Variants in PDPN observed in about 807,000 individuals in gnomAD.
PDPN encodes the protein podoplanin.
In PDPN, 12 loss-of-function variants were observed where a neutral mutation model predicts 23.2. The ratio of observed to expected loss-of-function variants is 0.52; its 90% CI spans 0.33 to 0.84. PDPN has a LOEUF of 0.84. Among genes scored for constraint, PDPN ranks in the 40% least tolerant of loss-of-function variants. The pLI, the probability that PDPN is intolerant of heterozygous loss-of-function variation, is 0.02. For missense variants in PDPN, 199 were observed against 212.2 expected, an observed-to-expected ratio of 0.94 and a Z score of 0.39; for synonymous variants, 77 against 76.7, an observed-to-expected ratio of 1.00 and a Z score of -0.02.
intron 1 of PDPN, among the ~76,000 whole-genome samples, chr1:13,598,933 A>G (rs1640565659): frequency 6.6e-6 from 1 of 151,840 alleles, no homozygotes; most frequent in African/African-American, 2.4e-5. Flanking sequence ...GGGTGGGGGT[A>G]AGCATTCAGG....
intron 1 of PDPN, among the ~76,000 whole-genome samples, chr1:13,599,733 G>A (rs1640594835): frequency 6.6e-6 from 1 of 152,138 alleles, no homozygotes. Flanking sequence ...GTCCTTAAGA[G>A]TGGAGATCTT....
At chr1:13,611,601 G>C (rs1640937541) in intron 3 of PDPN, among the ~76,000 whole-genome samples, 1 of 152,222 alleles carries the variant, frequency 6.6e-6, no homozygotes. Flanking sequence ...TTACTGTTTA[G>C]TGGGTAGAGT....
chr1:13,601,538 G>A (rs1488297507), intron 1 of PDPN, among the ~76,000 whole-genome samples: 1 of 152,172 alleles, frequency 6.6e-6, no homozygotes, highest in East Asian at 1.9e-4. Context: ...TGTATTTTTA[G>A]TAGGGACAGC....
At chr1:13,602,413 C>T (rs781610944) in intron 1 of PDPN, among the ~76,000 whole-genome samples, 23 of 152,030 alleles carry the variant, frequency 1.5e-4, no homozygotes, top group Non-Finnish European at 3.2e-4. Context: ...TGCCATGTGA[C>T]CATTACAAAA....
At chr1:13,587,554 T>A (rs757398663) in intron 1 of PDPN, among the ~76,000 whole-genome samples, 9 of 152,174 alleles carry the variant, frequency 5.9e-5, no homozygotes, top group Non-Finnish European at 1.0e-4. Context: ...CTGAATCAGA[T>A]GCTGTAGGGC....
chr1:13,591,386 A>G (rs1486634612), intron 1 of PDPN, among the ~76,000 whole-genome samples: 1 of 152,184 alleles, frequency 6.6e-6, no homozygotes, highest in East Asian at 1.9e-4. Flanking sequence ...TAACCCATTT[A>G]AAGCAAACAA....
chr1:13,603,070 GGA>G (rs931922850), intron 1 of PDPN, among the ~76,000 whole-genome samples: 6 of 150,438 alleles, frequency 4.0e-5, no homozygotes, highest in African/African-American at 7.3e-5. Flanking sequence ...TAAATACAAA[GGA>G]GAGAGAGAGA....
At chr1:13,613,362 C>A (rs569304637) in intron 3 of PDPN, among the ~76,000 whole-genome samples, 1 of 152,284 alleles carries the variant, frequency 6.6e-6, no homozygotes, top group East Asian at 1.9e-4. Flanking sequence ...GCTACCTTAA[C>A]CTCTGATACT....
intron 3 of PDPN, among the ~76,000 whole-genome samples, chr1:13,611,090 G>A (rs553434410): frequency 2.4e-4 from 36 of 152,024 alleles, no homozygotes; most frequent in South Asian, 1.5e-3. Context: ...GAGTGGTGGC[G>A]GGCGCCTGTA....
chr1:13,596,591 C>T (rs909184017), intron 1 of PDPN, among the ~76,000 whole-genome samples: 4 of 152,134 alleles, frequency 2.6e-5, no homozygotes, highest in African/African-American at 9.7e-5. Context: ...TGGCTTTCTT[C>T]GTGTAAAGGA....
At chr1:13,600,183 G>A (rs530904424) in intron 1 of PDPN, among the ~76,000 whole-genome samples, 1 of 152,246 alleles carries the variant, frequency 6.6e-6, no homozygotes, top group Admixed American at 6.5e-5. Context: ...TGGCACCTGG[G>A]CAGAAGGGGA....
chr1:13,590,020 G>T (rs542997727), intron 1 of PDPN, among the ~76,000 whole-genome samples: 86 of 152,278 alleles, frequency 5.6e-4, no homozygotes, highest in African/African-American at 2.1e-3. Context: ...TAGAGATGGG[G>T]TTTCACCATG....
Position 13,584,302 on chromosome 1 carries a change from G to C in PDPN, c.67+202G>C, listed in dbSNP as rs1005193795. 6 of 1,515,240 alleles carry C rather than the reference G, an allele frequency of 4.0e-6. No individual in the cohort carries two copies. In the African/African-American group the frequency reaches 4.1e-5, roughly 10 times the overall value. The allele number at this position is 1,515,240 out of a possible 1,614,324, so 93.9% of individuals were successfully genotyped here. A position where few individuals can be genotyped will look rare whatever the true frequency, so the allele number is the denominator to read the frequency against. On this transcript the variant is annotated intron_variant, in intron 1 of 5. Transcript: ENST00000621990. Reference sequence around the variant, plus strand: ...CCAGGTCCCAAAGACGCAGCTGCGCGGGTGTGCCGGGAGGAGCCCCGGAAT... The same window carrying C: ...CCAGGTCCCAAAGACGCAGCTGCGCCGGTGTGCCGGGAGGAGCCCCGGAAT...
intron 3 of PDPN, among the ~76,000 whole-genome samples, chr1:13,610,796 T>G (rs374958597): frequency 6.6e-6 from 1 of 152,142 alleles, no homozygotes; most frequent in Non-Finnish European, 1.5e-5. Flanking sequence ...TCCAAGTGGA[T>G]AGAATGTGAC....
Position 13,583,907 on chromosome 1 carries a change from C to T in PDPN, c.-127C>T, listed in dbSNP as rs1569998573. 1 of 1,611,938 alleles carries T rather than the reference C, an allele frequency of 6.2e-7. No individual in the cohort carries two copies. The highest frequency in any genetic ancestry group is 8.5e-7 in the Non-Finnish European group (1 of 1,178,876). On this transcript the variant is annotated 5_prime_UTR_variant, in exon 1 of 6. Coordinates refer to ENST00000621990, the MANE Select transcript of PDPN (RefSeq NM_006474.5). Reference sequence around the variant, plus strand: ...CCTCCCTCTCCGGGGCTCCTGCTCCCACCCCTCCGGCCCCCCCACCGTCGC... The same window carrying T: ...CCTCCCTCTCCGGGGCTCCTGCTCCTACCCCTCCGGCCCCCCCACCGTCGC...
At chr1:13,603,312 G>A (rs1003171881) in intron 1 of PDPN, among the ~76,000 whole-genome samples, 3 of 152,104 alleles carry the variant, frequency 2.0e-5, no homozygotes, top group African/African-American at 7.2e-5. Context: ...GAACCCAGGA[G>A]GCGGAGGTTG....
At chr1:13,606,986 G>T (rs1327969570) in intron 1 of PDPN, among the ~76,000 whole-genome samples, 187 bp from the exon 2 acceptor site, 2 of 152,192 alleles carry the variant, frequency 1.3e-5, no homozygotes, top group African/African-American at 4.8e-5. Flanking sequence ...CCAGGGTGTT[G>T]ATGTGTCAGA....
intron 1 of PDPN, among the ~76,000 whole-genome samples, chr1:13,603,313 G>A (rs367546381): frequency 1.3e-5 from 2 of 152,204 alleles, no homozygotes; most frequent in East Asian, 3.9e-4. Context: ...AACCCAGGAG[G>A]CGGAGGTTGT....
intron 4 of PDPN, 145 bp downstream of exon 4, chr1:13,613,870 CTTTTTTTTTTT>C: frequency 9.2e-6 from 2 of 217,922 alleles, no homozygotes; most frequent in Non-Finnish European, 8.5e-6. Context: ...AGATTTCAAG[CTTTTTTTTTTT>C]TTTTTTTTTT....
Sources: gnomAD v4.1 joint callset for allele counts (sites outside exome capture counted in the v4.1 genomes callset) on GRCh38, gnomAD v4.1.1 for gene constraint, MANE v1.5 for transcripts, NCBI Gene and HGNC (gene_info 2026-07-23, HGNC 2026-07-21) for gene names.